KCND3: variants seen among roughly 807,000 people sequenced by gnomAD.
The protein encoded by KCND3 is A-type voltage-gated potassium channel KCND3.
KCND3 carries 9 observed loss-of-function variants against 51.1 expected under a neutral mutation model. That is an observed-to-expected ratio of 0.18 (90% confidence interval 0.11 to 0.31). The LOEUF is 0.31. Among genes scored for constraint, KCND3 ranks in the 10% least tolerant of loss-of-function variants. KCND3 has a pLI of 1.00. For missense variants in KCND3, 526 were observed against 903.8 expected, an observed-to-expected ratio of 0.58 and a Z score of 5.36; for synonymous variants, 349 against 368.0, an observed-to-expected ratio of 0.95 and a Z score of 0.59.
chr1:111,791,135 C>T (rs962753289), intron 2 of KCND3, among the ~76,000 whole-genome samples: 16 of 152,308 alleles, frequency 1.1e-4, no homozygotes, highest in South Asian at 6.2e-4. Flanking sequence ...TCCAGAGTGG[C>T]GGTGCCATTT....
chr1:111,911,875 A>G (rs1159251800), intron 2 of KCND3, among the ~76,000 whole-genome samples: 1 of 152,218 alleles, frequency 6.6e-6, no homozygotes, highest in Non-Finnish European at 1.5e-5. Context: ...AGAGACCCCT[A>G]CAATTTCTCT....
intron 2 of KCND3, among the ~76,000 whole-genome samples, chr1:111,826,587 C>T (rs546922814): frequency 1.8e-4 from 28 of 152,260 alleles, no homozygotes; most frequent in African/African-American, 4.8e-4. Flanking sequence ...AATCTTTCTA[C>T]GTTTAATGCT....
intron 2 of KCND3, among the ~76,000 whole-genome samples, chr1:111,807,761 T>A (rs532469035): frequency 6.6e-6 from 1 of 152,380 alleles, no homozygotes; most frequent in Admixed American, 6.5e-5. Context: ...TGTAGTAGGC[T>A]ATATCATCTA....
intron 2 of KCND3, among the ~76,000 whole-genome samples, chr1:111,872,368 G>C (rs987953020): frequency 3.9e-5 from 6 of 152,206 alleles, no homozygotes; most frequent in African/African-American, 1.4e-4. Flanking sequence ...TTTAAAGACA[G>C]AGAAGCCCTA....
At chr1:111,847,686 C>T (rs1304366478) in intron 2 of KCND3, among the ~76,000 whole-genome samples, 1 of 152,148 alleles carries the variant, frequency 6.6e-6, no homozygotes, top group Non-Finnish European at 1.5e-5. Context: ...TATAATTATC[C>T]TTAATCAATA....
At chr1:111,945,732 C>T (rs1041151931) in intron 2 of KCND3, among the ~76,000 whole-genome samples, 1 of 152,204 alleles carries the variant, frequency 6.6e-6, no homozygotes, top group Non-Finnish European at 1.5e-5. Flanking sequence ...AAACAAGAAC[C>T]TTGAGTAGGG....
At chr1:111,893,581 T>C (rs1055587103) in intron 2 of KCND3, among the ~76,000 whole-genome samples, 6 of 152,170 alleles carry the variant, frequency 3.9e-5, no homozygotes, top group African/African-American at 1.4e-4. Context: ...CAGGCAAGGC[T>C]AGAAAACTCA....
intron 2 of KCND3, among the ~76,000 whole-genome samples, chr1:111,851,527 C>A (rs1033689135): frequency 1.3e-5 from 2 of 152,224 alleles, no homozygotes; most frequent in African/African-American, 4.8e-5. Context: ...AAAATCTCAA[C>A]AATCTCATCA....
At chr1:111,900,415 C>G (rs764037498) in intron 2 of KCND3, among the ~76,000 whole-genome samples, 2 of 152,162 alleles carry the variant, frequency 1.3e-5, no homozygotes, top group Non-Finnish European at 2.9e-5. Flanking sequence ...TCTAAAGGAA[C>G]CAAACAGCAG....
At chr1:111,776,318 GC>G in intron 7 of KCND3, 40 bp from the exon 8 acceptor site, 1 of 1,589,402 alleles carries the variant, frequency 6.3e-7, no homozygotes, top group Non-Finnish European at 8.6e-7. Context: ...GTTCCTGCTG[GC>G]CAGCGTCCCA....
intron 2 of KCND3, among the ~76,000 whole-genome samples, chr1:111,941,539 C>CA (rs202247597): frequency 0.015 from 2,272 of 152,280 alleles, 20 homozygotes; most frequent in Non-Finnish European, 0.023. Context: ...CTCACTAAAG[C>CA]AAACTTCTCT....
At chr1:111,879,912 A>G (rs1274747162) in intron 2 of KCND3, among the ~76,000 whole-genome samples, 1 of 152,184 alleles carries the variant, frequency 6.6e-6, no homozygotes, top group African/African-American at 2.4e-5. Flanking sequence ...CAGCTCTAAC[A>G]CTTACTACCT....
intron 2 of KCND3, among the ~76,000 whole-genome samples, chr1:111,878,121 G>A (rs989454182): frequency 6.6e-6 from 1 of 152,200 alleles, no homozygotes; most frequent in Non-Finnish European, 1.5e-5. Context: ...GCCCCCATCA[G>A]AGCCCTAGTG....
intron 2 of KCND3, among the ~76,000 whole-genome samples, chr1:111,846,063 T>C (rs1667532529): frequency 6.6e-6 from 1 of 152,226 alleles, no homozygotes; most frequent in Non-Finnish European, 1.5e-5. Context: ...GCCCTGCTCC[T>C]TGCCTTTCCC....
intron 2 of KCND3, among the ~76,000 whole-genome samples, chr1:111,865,842 CT>C (rs1668535857): frequency 6.6e-6 from 1 of 152,116 alleles, no homozygotes; most frequent in Non-Finnish European, 1.5e-5. Context: ...GTAGCTGAGA[CT>C]ACAGGTATGC....
chr1:111,854,226 G>T (rs1340981180), intron 2 of KCND3, among the ~76,000 whole-genome samples: 2 of 152,198 alleles, frequency 1.3e-5, no homozygotes, highest in African/African-American at 2.4e-5. Flanking sequence ...TGACCAGGGG[G>T]TAGAGATGCC....
intron 2 of KCND3, among the ~76,000 whole-genome samples, chr1:111,893,344 G>T (rs1024016004): frequency 5.3e-5 from 8 of 152,162 alleles, no homozygotes; most frequent in Admixed American, 3.9e-4. Context: ...ATGACTAGGA[G>T]TTTGCTGGGA....
At chr1:111,794,882 C>A (rs140882107) in intron 2 of KCND3, among the ~76,000 whole-genome samples, 1 of 152,152 alleles carries the variant, frequency 6.6e-6, no homozygotes, top group Non-Finnish European at 1.5e-5. Context: ...GTAAGTAATA[C>A]GCCCAAGGTC....
At chr1:111,921,855 A>G (rs1671489122) in intron 2 of KCND3, among the ~76,000 whole-genome samples, 1 of 152,180 alleles carries the variant, frequency 6.6e-6, no homozygotes, top group Non-Finnish European at 1.5e-5. Flanking sequence ...TGCCTTTTCT[A>G]AAACTGTTAG....
Sources: gnomAD v4.1 joint callset for allele counts (sites outside exome capture counted in the v4.1 genomes callset) on GRCh38, gnomAD v4.1.1 for gene constraint, MANE v1.5 for transcripts, NCBI Gene and HGNC (gene_info 2026-07-23, HGNC 2026-07-21) for gene names.